Variants in VPS4A observed in about 807,000 individuals in gnomAD.
The protein encoded by VPS4A is vacuolar protein sorting-associated protein 4A.
VPS4A carries 20 observed loss-of-function variants against 52.3 expected under a neutral mutation model. The ratio of observed to expected loss-of-function variants is 0.38; its 90% CI spans 0.27 to 0.56. The LOEUF is 0.56. Ranked by LOEUF, VPS4A falls within the 20% of genes least tolerant of loss-of-function variation. The pLI is 0.72. For synonymous variants in VPS4A, 293 were observed against 227.7 expected (o/e 1.29, Z -2.58); for missense variants, 419 against 575.9 (o/e 0.73, Z 2.79).
chr16:69,316,436 C>T (rs955160345), intron 3 of VPS4A, 64 bp downstream of exon 3: 16 of 1,585,512 alleles, frequency 1.0e-5, no homozygotes, highest in South Asian at 7.0e-5. Flanking sequence ...TCATTCCTGG[C>T]GCTCATGCTG....
At chr16:69,319,267 G>A (rs1965479804) in intron 5 of VPS4A, 120 bp from the exon 6 acceptor site, 1 of 1,417,886 alleles carries the variant, frequency 7.1e-7, no homozygotes, top group South Asian at 1.3e-5. Flanking sequence ...TTGTTTGCCA[G>A]TAGAGTCCGT....
intron 5 of VPS4A, 29 bp downstream of exon 5, chr16:69,318,971 T>C (rs780951753): frequency 9.3e-6 from 15 of 1,604,770 alleles, no homozygotes; most frequent in South Asian, 8.8e-5. Flanking sequence ...CAAACCCCAA[T>C]GTAAAAATTC....
At chr16:69,323,658 G>T in intron 10 of VPS4A, 1 of 455,886 alleles carries the variant, frequency 2.2e-6, no homozygotes, top group Non-Finnish European at 4.4e-6. Flanking sequence ...GTGCAGCTAA[G>T]AAGGCTCCTG....
intron 1 of VPS4A, among the ~76,000 whole-genome samples, chr16:69,312,622 TA>T (rs1384959667): frequency 6.6e-6 from 1 of 152,188 alleles, no homozygotes; most frequent in East Asian, 1.9e-4. Context: ...TTTATTTATT[TA>T]TTTTTTTGAG....
chr16:69,312,739 A>T (rs1431640663), intron 1 of VPS4A, among the ~76,000 whole-genome samples: 2 of 151,888 alleles, frequency 1.3e-5, no homozygotes, highest in Non-Finnish European at 2.9e-5. Flanking sequence ...CAGCCTCCTG[A>T]GTAGCTGGGA....
Position 69,316,352 on chromosome 16 carries a change from G to C in VPS4A, c.261G>C (p.Glu87Asp), listed in dbSNP as rs1349912753. Residue 87 changes from glutamate (E) to aspartate (D), a missense_variant, in exon 3 of 11, where the codon GAG becomes GAC. Glu to Asp is a conservative substitution (Grantham distance 45). Coordinates refer to ENST00000254950, the MANE Select transcript of VPS4A (RefSeq NM_013245.3). ...AACACGGCAAGAAGCCAGTCAAAGA[G>C]AACCAGAGTGAGGGCAAGGGGTGAG... ...KEKHGKKPVK[E>D]NQSEGKGSDS... 1 of 1,613,820 alleles carries C rather than the reference G, an allele frequency of 6.2e-7. No individual in the cohort carries two copies. The highest frequency in any genetic ancestry group is 8.5e-7 in the Non-Finnish European group (1 of 1,179,842).
In VPS4A at chr16:69,324,611, C is replaced by G. The variant is rs16958754; in HGVS notation, c.*302C>G. 6.0e-6 allele frequency: 2 copies of G among 332,854 alleles called. No homozygotes were observed. The highest frequency in any genetic ancestry group is 2.1e-5 in the African/African-American group (1 of 48,230). The allele number at this position is 332,854 out of a possible 1,614,324, so 20.6% of individuals were successfully genotyped here. On this transcript the variant is annotated 3_prime_UTR_variant, in exon 11 of 11. Coordinates refer to ENST00000254950, the MANE Select transcript of VPS4A (RefSeq NM_013245.3). Reference sequence around the variant, plus strand: ...CTTTTGTTCCCCTAAATTAATGCTGCTTGGATTTTCATCTTATTTATAAAG... The same window carrying G: ...CTTTTGTTCCCCTAAATTAATGCTGGTTGGATTTTCATCTTATTTATAAAG...
chr16:69,317,470 C>T (rs894056593), intron 3 of VPS4A, among the ~76,000 whole-genome samples: 3 of 152,016 alleles, frequency 2.0e-5, no homozygotes. Flanking sequence ...CCAGCCTGGC[C>T]AACATGGTGA....
In VPS4A at chr16:69,323,943, C is replaced by CAAAAA. The variant is rs143292768; in HGVS notation, c.1213-265_1213-264insAAAAA. On this transcript the variant is annotated intron_variant, in intron 10 of 10. Transcript: ENST00000254950. ...CCAGCCTGGGTGACAGACTCCGTCT[C>CAAAAA]CAAAAAAAAAAAAAAAAAAAAAGAA... 4.8e-3 allele frequency among the ~76,000 whole-genome samples: 524 copies of CAAAAA among 108,506 alleles called. 26 individuals carry two copies. Among genetic ancestry groups the CAAAAA allele is most frequent in the African/African-American group, 0.017 (424 of 25,628 alleles). The allele number at this position is 108,506 out of a possible 152,430, so 71.2% of individuals were successfully genotyped here.
intron 3 of VPS4A, among the ~76,000 whole-genome samples, chr16:69,317,453 T>C (rs1000558064): frequency 6.6e-6 from 1 of 151,880 alleles, no homozygotes; most frequent in African/African-American, 2.4e-5. Context: ...AGGTCAGGAT[T>C]TCAAAACCAG....
chr16:69,318,612 T>A (rs1328544748), intron 3 of VPS4A, 38 bp from the exon 4 acceptor site: 2 of 1,582,714 alleles, frequency 1.3e-6, no homozygotes, highest in Admixed American at 3.7e-5. Flanking sequence ...TGCTCCAGGC[T>A]GAAGGGCCAG....
At chr16:69,316,780 T>G (rs1965442164) in intron 3 of VPS4A, among the ~76,000 whole-genome samples, 1 of 152,112 alleles carries the variant, frequency 6.6e-6, no homozygotes, top group Non-Finnish European at 1.5e-5. Flanking sequence ...CACGAGAGCA[T>G]GCAATGAGTG....
chr16:69,311,430 C>T lies in VPS4A; in HGVS notation c.-82C>T, dbSNP rs572583081. The T allele has an allele frequency of 5.2e-5, 63 of 1,221,486 alleles. No individual in the cohort carries two copies. The highest frequency in any genetic ancestry group is 5.8e-5 in the Non-Finnish European group (56 of 969,920). 75.7% of individuals were successfully genotyped at this position (1,221,486 alleles called of 1,614,324 possible). On this transcript the variant is annotated 5_prime_UTR_variant, in exon 1 of 11. Transcript: ENST00000254950. ...GCGCCCACCGCCGGGCTTCCCGCGC[C>T]GGACCCAGTACCTCGGCTCCCCGGG...
At position 69,320,619 on chromosome 16, in the gene VPS4A, C is replaced by A; in HGVS notation, c.770-69C>A. On this transcript the variant is annotated intron_variant, in intron 7 of 10. Transcript: ENST00000254950. This position sits in a 1 kb window ranked among gnomAD's most constrained non-coding sequence, Gnocchi z 4.2. ...TGCTGACACACAAAGCCCCCGGGGTCTGTCCCCAGGTTTCAACTGACCCGT... is the reference window on the plus strand; with the variant it reads ...TGCTGACACACAAAGCCCCCGGGGTATGTCCCCAGGTTTCAACTGACCCGT... 2 of 1,381,670 alleles carry A rather than the reference C, an allele frequency of 1.4e-6. No individual in the cohort carries two copies. The highest frequency in any genetic ancestry group is 1.3e-5 in the South Asian group (1 of 77,472). 85.6% of individuals were successfully genotyped at this position (1,381,670 alleles called of 1,614,324 possible). A position where few individuals can be genotyped will look rare whatever the true frequency, so the allele number is the denominator to read the frequency against.
chr16:69,323,674 G>C, intron 10 of VPS4A: 1 of 455,750 alleles, frequency 2.2e-6, no homozygotes, highest in Non-Finnish European at 4.4e-6. Flanking sequence ...TCCTGGCCGG[G>C]CGCCGTGGCT....
intron 10 of VPS4A, chr16:69,323,543 G>A (rs1042748677): frequency 2.3e-6 from 1 of 427,096 alleles, no homozygotes; most frequent in Non-Finnish European, 4.7e-6. Context: ...GTGAGGCAGT[G>A]AATGTGTCAA....
Position 69,318,878 on chromosome 16 carries a change from G to A in VPS4A, c.399G>A (p.Glu133=). The change falls in exon 5 of 11, where the codon GAG becomes GAA. Residue 133 remains glutamate, a synonymous_variant. Coordinates refer to ENST00000254950, the MANE Select transcript of VPS4A (RefSeq NM_013245.3). ...NIRWNDVAGL[E]GAKEALKEAV... ...GGTGGAACGACGTGGCCGGGCTGGA[G>A]GGGGCCAAGGAGGCCCTCAAAGAAG... 1 of 1,613,708 alleles carries A rather than the reference G, an allele frequency of 6.2e-7. No individual in the cohort carries two copies. Among genetic ancestry groups the A allele is most frequent in the Non-Finnish European group, 8.5e-7 (1 of 1,179,796 alleles).
Position 69,326,870 on chromosome 16 carries a change from TG to T in VPS4A, c.*2562del, listed in dbSNP as rs1342951921. On this transcript the variant is annotated 3_prime_UTR_variant, in exon 11 of 11. Transcript: ENST00000254950. ...AACGTTGACATGTATATGCGTTTTT[TG>T]TGAGTGCTTCCTGCTCAAAGTGGGA... is the stretch of plus-strand genomic sequence containing the variant. 2.0e-5 allele frequency: 3 copies of T among 152,342 alleles called. No individual in the cohort carries two copies. In the East Asian group the frequency reaches 5.8e-4, roughly 29 times the overall value. The allele number at this position is 152,342 out of a possible 1,614,324, so 9.4% of individuals were successfully genotyped here.
In VPS4A at chr16:69,318,860, C is replaced by G; in HGVS notation, c.381C>G (p.Asn127Lys). 1 of 1,613,640 alleles carries G rather than the reference C, an allele frequency of 6.2e-7. No individual in the cohort carries two copies. The highest frequency in any genetic ancestry group is 8.5e-7 in the Non-Finnish European group (1 of 1,179,766). Residue 127 changes from asparagine (N) to lysine (K), a missense_variant, in exon 5 of 11, where the codon AAC (asparagine) becomes AAG (lysine). By Grantham distance (94) the Asn-to-Lys change is moderately conservative. This residue lies in a region of VPS4A where 131 missense variants were observed against 165.4 expected (regional missense o/e 0.79). Coordinates refer to ENST00000254950, the MANE Select transcript of VPS4A (RefSeq NM_013245.3). ...TGGAGAAGCCCAACATACGGTGGAA[C>G]GACGTGGCCGGGCTGGAGGGGGCCA... ...VVMEKPNIRWNDVAGLEGAKE... is the reference protein window; with the variant it reads ...VVMEKPNIRWKDVAGLEGAKE...
Sources: gnomAD v4.1 joint callset for allele counts (sites outside exome capture counted in the v4.1 genomes callset) on GRCh38, gnomAD v4.1.1 for gene constraint, gnomAD v4.1.1 regional missense constraint, Gnocchi (gnomAD v3.1) non-coding constraint, MANE v1.5 for transcripts, NCBI Gene and HGNC (gene_info 2026-07-23, HGNC 2026-07-21) for gene names.